The following THBS2 variants were observed in gnomAD, a reference collection of about 807,000 sequenced individuals.
THBS2 encodes thrombospondin-2.
THBS2 carries 47 observed loss-of-function variants against 135.2 expected under a neutral mutation model. That is an observed-to-expected ratio of 0.35 (90% CI 0.28 to 0.44). THBS2 has a LOEUF of 0.44. THBS2 is among the 20% of genes least tolerant of loss of function. The pLI, the probability that THBS2 is intolerant of heterozygous loss-of-function variation, is 1.00. For missense variants in THBS2, 1,288 were observed against 1,603.1 expected (o/e 0.80, Z 3.36); for synonymous variants, 639 against 633.8 (o/e 1.01, Z -0.12).
chr6:169,238,905 A>T (rs1050497268), intron 7 of THBS2, among the ~76,000 whole-genome samples: 2 of 152,036 alleles, frequency 1.3e-5, no homozygotes, highest in Non-Finnish European at 2.9e-5. Context: ...GTAGACCTGA[A>T]GCACCTTGCC....
chr6:169,252,588 G>A lies in THBS2; in HGVS notation c.-23+1136C>T, dbSNP rs1780792032. On this transcript the variant is annotated intron_variant, in intron 1 of 21. Transcript: ENST00000617924. The surrounding 1 kb of genome is among the most constrained non-coding windows in gnomAD (Gnocchi z 4.3). ...GAGGTAGATTCTTACAAGAGCAGGAGGCTAACAAAGCATCCCCTGCTGCGG... is the reference window on the plus strand; with the variant it reads ...GAGGTAGATTCTTACAAGAGCAGGAAGCTAACAAAGCATCCCCTGCTGCGG... Among the ~76,000 whole-genome samples the A allele has an allele frequency of 6.6e-6, 1 of 152,228 alleles. No homozygotes were observed. Among genetic ancestry groups the A allele is most frequent in the Non-Finnish European group, 1.5e-5 (1 of 68,042 alleles).
chr6:169,221,501 C>T lies in THBS2; in HGVS notation c.3300G>A (p.Arg1100=), dbSNP rs1260219682. ...GQVRTLWHDP[R]NIGWKDYTAY... is the part of the protein sequence containing the mutation. The stretch of plus-strand genomic sequence containing the variant: ...CCGTGTAGTCCTTCCAGCCAATGTT[C>T]CTGGGGTCGTGCCATAAGGTTCGCA... The change falls in exon 20 of 22, where the codon AGG becomes AGA. Residue 1100 remains arginine, a synonymous_variant. Coordinates refer to ENST00000617924, the MANE Select transcript of THBS2 (RefSeq NM_003247.5). The T allele has an allele frequency of 3.1e-6, 5 of 1,613,870 alleles. No homozygotes were observed. Among genetic ancestry groups the T allele is most frequent in the Non-Finnish European group, 3.4e-6 (4 of 1,180,042 alleles).
At chr6:169,229,103 TCAAAG>T (rs1779744061) in intron 14 of THBS2, among the ~76,000 whole-genome samples, 2 of 152,218 alleles carry the variant, frequency 1.3e-5, no homozygotes, top group Non-Finnish European at 2.9e-5. Context: ...ATGTCTCCCA[TCAAAG>T]TCAGATGTAA....
chr6:169,232,078 C>T lies in THBS2; in HGVS notation c.2053G>A (p.Ala685Thr), dbSNP rs770309229. ...MYKCECQTGYAGDGLICGEDS... is the reference protein window; with the variant it reads ...MYKCECQTGYTGDGLICGEDS... ...TCCCCGCAGATGAGCCCGTCGCCCG[C>T]GTAGCCTGTCTGGCACTCGCACTTG... The change falls in exon 13 of 22, where the codon GCG becomes ACG. Residue 685 changes from alanine to threonine, a missense_variant. Ala to Thr is a moderately conservative substitution (Grantham distance 58). This residue lies in a region of THBS2 where 874 missense variants were observed against 1,156.1 expected (regional missense o/e 0.76). Coordinates refer to ENST00000617924, the MANE Select transcript of THBS2 (RefSeq NM_003247.5). The T allele has an allele frequency of 3.1e-6, 5 of 1,614,110 alleles. No homozygotes were observed. Among genetic ancestry groups the T allele is most frequent in the Non-Finnish European group, 3.4e-6 (4 of 1,179,984 alleles).
chr6:169,244,053 C>T (rs7382440), intron 4 of THBS2, among the ~76,000 whole-genome samples: 65,507 of 151,920 alleles, frequency 0.43, 15,475 homozygotes, highest in East Asian at 0.65. Flanking sequence ...ATCCACCTGG[C>T]TTTGAGTAGA....
chr6:169,239,407 C>T (rs1259495471), intron 7 of THBS2, 192 bp downstream of exon 7: 3 of 600,064 alleles, frequency 5.0e-6, no homozygotes, highest in African/African-American at 1.9e-5. Flanking sequence ...CCAGGGCTTC[C>T]ACACTCCTTT....
chr6:169,231,467 G>A (rs755294614), intron 13 of THBS2, among the ~76,000 whole-genome samples: 2 of 152,198 alleles, frequency 1.3e-5, no homozygotes, highest in Admixed American at 6.5e-5. Flanking sequence ...CTCCCGGGCC[G>A]TGGTGTTCGT....
chr6:169,228,564 CT>C (rs1455283154), intron 14 of THBS2, among the ~76,000 whole-genome samples: 3 of 151,776 alleles, frequency 2.0e-5, no homozygotes, highest in African/African-American at 7.3e-5. Flanking sequence ...GGCGGATCAC[CT>C]GAGGTCAGGA....
chr6:169,242,608 C>A, intron 4 of THBS2, among the ~76,000 whole-genome samples: 3 of 92,432 alleles, frequency 3.2e-5, no homozygotes, highest in South Asian at 4.0e-4. Flanking sequence ...ACATTCCCAC[C>A]TTCCCACCGC....
chr6:169,226,318 G>T lies in THBS2; in HGVS notation c.2420-20C>A, dbSNP rs756044395. 6 of 1,590,468 alleles carry T rather than the reference G, an allele frequency of 3.8e-6. No homozygotes were observed. The highest frequency in any genetic ancestry group is 4.3e-6 in the Non-Finnish European group (5 of 1,160,178). ...AGACATCTGTAAGTGTTTAAAGGGG[G>T]AAGAAAACAAAAACAAACCAGAAGG... On this transcript the variant is annotated intron_variant, in intron 15 of 21. Coordinates refer to ENST00000617924, the MANE Select transcript of THBS2 (RefSeq NM_003247.5).
chr6:169,225,033 G>C, intron 17 of THBS2, 112 bp downstream of exon 17: 1 of 1,054,502 alleles, frequency 9.5e-7, no homozygotes, highest in Non-Finnish European at 1.4e-6. Flanking sequence ...CAAAGTCATT[G>C]CCCTTTTTCC....
chr6:169,244,123 T>C (rs1780464974), intron 4 of THBS2, among the ~76,000 whole-genome samples: 1 of 151,202 alleles, frequency 6.6e-6, no homozygotes, highest in Non-Finnish European at 1.5e-5. Flanking sequence ...GATCCATACT[T>C]ATTCTACACA....
chr6:169,220,054 G>A lies in THBS2; in HGVS notation c.3511+144C>T, dbSNP rs1779367076. ...ACCAAATGAAATGGCTGCTTGGAATGTGCAGGGGGCTCATGTGTGGTATTG... is the reference window on the plus strand; with the variant it reads ...ACCAAATGAAATGGCTGCTTGGAATATGCAGGGGGCTCATGTGTGGTATTG... On this transcript the variant is annotated intron_variant, in intron 21 of 21. Coordinates refer to ENST00000617924, the MANE Select transcript of THBS2 (RefSeq NM_003247.5). 4 of 1,078,564 alleles carry A rather than the reference G, an allele frequency of 3.7e-6. No individual in the cohort carries two copies. The Admixed American group carries it at 6.8e-5, about 18-fold the overall frequency. The allele number at this position is 1,078,564 out of a possible 1,614,324, so 66.8% of individuals were successfully genotyped here. A position where few individuals can be genotyped will look rare whatever the true frequency, so the allele number is the denominator to read the frequency against.
intron 16 of THBS2, among the ~76,000 whole-genome samples, 186 bp downstream of exon 16, chr6:169,225,994 A>G (rs1779611292): frequency 6.6e-6 from 1 of 152,256 alleles, no homozygotes; most frequent in African/African-American, 2.4e-5. Context: ...TGTGGAGCTC[A>G]TGGAAAACTC....
chr6:169,237,302 A>C lies in THBS2; in HGVS notation c.1345T>G (p.Cys449Gly), dbSNP rs764661464. 3.1e-6 allele frequency: 5 copies of C among 1,613,478 alleles called. No individual in the cohort carries two copies. The highest frequency in any genetic ancestry group is 4.2e-6 in the Non-Finnish European group (5 of 1,180,020). ...TTGCCAACTCCACAGGTCACAGAGC[A>C]TGAAGACCAAGGTGACCAGTGGCTC... ...GWSHWSPWSSCSVTCGVGNIT... is the reference protein window; with the variant it reads ...GWSHWSPWSSGSVTCGVGNIT... The change falls in exon 9 of 22, where the codon TGC becomes GGC. Residue 449 changes from cysteine (C) to glycine (G), a missense_variant. Coordinates refer to ENST00000617924, the MANE Select transcript of THBS2 (RefSeq NM_003247.5).
intron 9 of THBS2, among the ~76,000 whole-genome samples, chr6:169,235,948 C>A (rs1173773183): frequency 8.1e-6 from 1 of 122,882 alleles, no homozygotes; most frequent in African/African-American, 3.1e-5. Flanking sequence ...CAAACTCACT[C>A]CCCATCCACA....
intron 9 of THBS2, among the ~76,000 whole-genome samples, chr6:169,236,194 TC>T (rs1780052671): frequency 1.8e-5 from 1 of 56,220 alleles, no homozygotes. Context: ...CCATCCACAC[TC>T]ATTGCCCCAT....
At position 169,248,701 on chromosome 6, in the gene THBS2, A is replaced by T. The variant is rs1488227309; in HGVS notation, c.325T>A (p.Ser109Thr). 6.2e-7 allele frequency: 1 copy of T among 1,613,578 alleles called. No individual in the cohort carries two copies. Among genetic ancestry groups the T allele is most frequent in the African/African-American group, 1.3e-5 (1 of 74,844 alleles). The stretch of plus-strand genomic sequence containing the variant: ...GAGACGATCTCGAACTGCCTCTGGG[A>T]GAGACCGGGGCCCTCCAGAGCCAAC... ...TLLALEGPGL[S>T]QRQFEIVSNG... is the part of the protein sequence containing the mutation. The change falls in exon 3 of 22, where the codon TCC becomes ACC. Residue 109 changes from serine to threonine, a missense_variant. This residue lies in a region of THBS2 where 414 missense variants were observed against 447.0 expected (regional missense o/e 0.93). Coordinates refer to ENST00000617924, the MANE Select transcript of THBS2 (RefSeq NM_003247.5).
At chr6:169,249,640 G>A (rs943749446) in intron 2 of THBS2, among the ~76,000 whole-genome samples, 5 of 152,226 alleles carry the variant, frequency 3.3e-5, no homozygotes, top group Non-Finnish European at 7.3e-5. Flanking sequence ...GGATCTGAAA[G>A]AGTGGTCAGT....
Sources: allele counts gnomAD v4.1 joint callset (sites outside exome capture counted in the v4.1 genomes callset), GRCh38; gene constraint gnomAD v4.1.1; regional missense constraint gnomAD v4.1.1; non-coding constraint Gnocchi (gnomAD v3.1); transcripts MANE v1.5; gene names NCBI Gene and HGNC (gene_info 2026-07-23, HGNC 2026-07-21).